SEC31A: variants seen among roughly 807,000 people sequenced by gnomAD.
SEC31A encodes the protein SEC31 homolog A, COPII component.
A neutral mutation model predicts 151.0 loss-of-function variants in SEC31A; 70 were observed. The ratio of observed to expected loss-of-function variants is 0.46; its 90% CI spans 0.38 to 0.57. The LOEUF is 0.57. SEC31A is among the 20% of genes least tolerant of loss of function. The pLI, the probability that SEC31A is intolerant of heterozygous loss-of-function variation, is 0.00. For missense variants in SEC31A, 1,330 were observed against 1,471.2 expected, an observed-to-expected ratio of 0.90 and a Z score of 1.57; for synonymous variants, 475 against 505.9, an observed-to-expected ratio of 0.94 and a Z score of 0.82.
At chr4:82,856,502 G>A (rs1732692965) in intron 16 of SEC31A, among the ~76,000 whole-genome samples, 1 of 151,274 alleles carries the variant, frequency 6.6e-6, no homozygotes, top group Non-Finnish European at 1.5e-5. Flanking sequence ...TGTAATCCTG[G>A]CACTTTGGGA....
intron 22 of SEC31A, among the ~76,000 whole-genome samples, chr4:82,837,477 G>C (rs987834099): frequency 6.6e-6 from 1 of 151,696 alleles, no homozygotes; most frequent in Non-Finnish European, 1.5e-5. Context: ...TCTGTCTCCC[G>C]GGTTCAAGCA....
chr4:82,853,276 A>G (rs901239981), intron 18 of SEC31A, among the ~76,000 whole-genome samples: 28 of 152,310 alleles, frequency 1.8e-4, no homozygotes, highest in African/African-American at 6.3e-4. Flanking sequence ...AAGCAGACAG[A>G]GGAGCACACA....
chr4:82,829,159 G>A, intron 22 of SEC31A, 101 bp from the exon 23 acceptor site: 1 of 921,502 alleles, frequency 1.1e-6, no homozygotes. Flanking sequence ...CCTTAACCCT[G>A]AAATAACTGT....
At chr4:82,898,099 AAT>A (rs966637062) in intron 3 of SEC31A, 45 of 152,364 alleles carry the variant, frequency 3.0e-4, no homozygotes, top group African/African-American at 1.1e-3. Context: ...TTTTTTGTGC[AAT>A]AGTCAATGCC....
At position 82,872,031 on chromosome 4, in the gene SEC31A, G is replaced by A. The variant is rs2125691675; in HGVS notation, c.695C>T (p.Ala232Val). The A allele has an allele frequency of 6.2e-7, 1 of 1,614,080 alleles. No homozygotes were observed. Among genetic ancestry groups the A allele is most frequent in the Non-Finnish European group, 8.5e-7 (1 of 1,179,968 alleles). ...CACTGGTAACCGGTCATCCTCGGAG[G>A]CAAGGACCATCTGAGTAGCAACATC... ...HPDVATQMVL[A>V]SEDDRLPVIQ... Residue 232 changes from alanine to valine, a missense_variant, in exon 7 of 27, where the codon GCC becomes GTC. Transcript: ENST00000395310.
intron 23 of SEC31A, among the ~76,000 whole-genome samples, chr4:82,828,215 G>A (rs1314118011): frequency 6.6e-6 from 1 of 152,074 alleles, no homozygotes; most frequent in East Asian, 1.9e-4. Flanking sequence ...TTGAAAGAGG[G>A]TATCAGGTCT....
intron 22 of SEC31A, among the ~76,000 whole-genome samples, chr4:82,836,277 G>A (rs1327894718): frequency 6.7e-6 from 1 of 150,228 alleles, no homozygotes; most frequent in East Asian, 2.0e-4. Flanking sequence ...GGAGGGTGAG[G>A]CAGGAGAATT....
intron 1 of SEC31A, among the ~76,000 whole-genome samples, chr4:82,890,452 G>T (rs1196637397): frequency 3.9e-5 from 6 of 152,082 alleles, no homozygotes; most frequent in African/African-American, 1.4e-4. Flanking sequence ...TTCCTTAAGC[G>T]CAAGAAAAAA....
At chr4:82,896,573 C>T (rs1412175399) in intron 3 of SEC31A, among the ~76,000 whole-genome samples, 4 of 152,106 alleles carry the variant, frequency 2.6e-5, no homozygotes, top group Non-Finnish European at 5.9e-5. Flanking sequence ...GCCTGGGCAA[C>T]ACGGCAAAAC....
intron 25 of SEC31A, 130 bp downstream of exon 25, chr4:82,824,424 TG>T: frequency 1.1e-6 from 1 of 906,518 alleles, no homozygotes; most frequent in Non-Finnish European, 1.6e-6. Context: ...AGGATGGTCT[TG>T]AACTCCTGGC....
At chr4:82,858,139 A>G in intron 14 of SEC31A, 1 of 174,132 alleles carries the variant, frequency 5.7e-6, no homozygotes, top group Admixed American at 5.9e-5. Flanking sequence ...CTAGCCGGGC[A>G]TGGTGGTGCG....
intron 18 of SEC31A, among the ~76,000 whole-genome samples, chr4:82,852,571 C>G (rs999450294): frequency 7.1e-6 from 1 of 141,390 alleles, no homozygotes; most frequent in African/African-American, 2.9e-5. Flanking sequence ...AAAGGAAAAC[C>G]TTGATTTCCT....
At chr4:82,879,530 T>G (rs1298438505) in intron 3 of SEC31A, among the ~76,000 whole-genome samples, 1 of 152,144 alleles carries the variant, frequency 6.6e-6, no homozygotes, top group African/African-American at 2.4e-5. Context: ...GAATAAAATA[T>G]ATGGTCCAGA....
At chr4:82,871,322 A>C in intron 7 of SEC31A, 1 of 1,497,400 alleles carries the variant, frequency 6.7e-7, no homozygotes. Context: ...ACACACACAC[A>C]CACACACACA....
At chr4:82,892,855 G>A (rs1191395780), upstream of SEC31A, among the ~76,000 whole-genome samples, 1 of 152,122 alleles carries the variant, frequency 6.6e-6, no homozygotes, top group Non-Finnish European at 1.5e-5. Flanking sequence ...TTATTTAACT[G>A]TGGTCACTGG....
Position 82,858,804 on chromosome 4 carries a change from G to T in SEC31A, c.1627-1040C>A, listed in dbSNP as rs867200695. On this transcript the variant is annotated intron_variant, in intron 14 of 26. Coordinates refer to ENST00000395310, the MANE Select transcript of SEC31A (RefSeq NM_001077207.4). ...TGCAAACTCTGCCTCCTGGGTTCACGCCATTTTCCTGCCTCAGCCTCCCGA... is the reference window on the plus strand; with the variant it reads ...TGCAAACTCTGCCTCCTGGGTTCACTCCATTTTCCTGCCTCAGCCTCCCGA... Among the ~76,000 whole-genome samples, 18 of 151,568 alleles carry T rather than the reference G, an allele frequency of 1.2e-4. 1 individual carries two copies. The highest frequency in any genetic ancestry group is 1.2e-3 in the Admixed American group (18 of 15,210).
At chr4:82,833,893 G>A (rs1198803545) in intron 22 of SEC31A, among the ~76,000 whole-genome samples, 1 of 152,188 alleles carries the variant, frequency 6.6e-6, no homozygotes, top group African/African-American at 2.4e-5. Flanking sequence ...ACATGTCCCA[G>A]GGAAACTGTG....
In SEC31A at chr4:82,837,264, T is replaced by C. The variant is rs1727609018; in HGVS notation, c.2968+4876A>G. Among the ~76,000 whole-genome samples, 4 of 148,304 alleles carry C rather than the reference T, an allele frequency of 2.7e-5. No individual in the cohort carries two copies. In the South Asian group the frequency reaches 8.5e-4, roughly 32 times the overall value. On this transcript the variant is annotated intron_variant, in intron 22 of 26. Transcript: ENST00000395310. ...ATGCATGTATGTATGTGTATGTCTG[T>C]ATGAAGGGAATAAATAAACCTAAAT...
intron 26 of SEC31A, 32 bp from the exon 27 acceptor site, chr4:82,819,285 AAATT>A: frequency 6.6e-7 from 1 of 1,507,812 alleles, no homozygotes; most frequent in Non-Finnish European, 8.9e-7. Context: ...AGAAAGAATT[AAATT>A]AAGGGATAAC....
Sources: gnomAD v4.1 joint callset for allele counts (sites outside exome capture counted in the v4.1 genomes callset) on GRCh38, gnomAD v4.1.1 for gene constraint, MANE v1.5 for transcripts, NCBI Gene and HGNC (gene_info 2026-07-23, HGNC 2026-07-21) for gene names.